The following SMC6 variants were observed in gnomAD, a reference collection of about 807,000 sequenced individuals.
SMC6 encodes structural maintenance of chromosomes protein 6.
In SMC6, 79 loss-of-function variants were observed where a neutral mutation model predicts 142.2. The observed-to-expected ratio is 0.56, with a 90% CI of 0.46 to 0.67. The LOEUF (loss-of-function observed/expected upper bound fraction) is 0.67. Among genes scored for constraint, SMC6 ranks in the 30% least tolerant of loss-of-function variants. The pLI is 0.00. For synonymous variants in SMC6, 411 were observed against 412.4 expected (o/e 1.00, Z 0.04); for missense variants, 1,072 against 1,284.0 (o/e 0.83, Z 2.52).
At chr2:17,733,172 C>A (rs183754420) in intron 5 of SMC6, among the ~76,000 whole-genome samples, 1 of 152,312 alleles carries the variant, frequency 6.6e-6, no homozygotes, top group African/African-American at 2.4e-5. Flanking sequence ...AAACTGTTCC[C>A]ATTTGTGGGA....
intron 5 of SMC6, among the ~76,000 whole-genome samples, chr2:17,734,719 T>C (rs1235702198): frequency 3.5e-5 from 5 of 142,852 alleles, no homozygotes; most frequent in Admixed American, 2.7e-4. Context: ...ATCCTACTGC[T>C]ATATAAATTT....
In SMC6 at chr2:17,703,357, G is replaced by T. The variant is rs981044908; in HGVS notation, c.2007-65C>A. 45 of 1,435,870 alleles carry T rather than the reference G, an allele frequency of 3.1e-5. No homozygotes were observed. In the African/African-American group the frequency reaches 5.9e-4, roughly 19 times the overall value. 88.9% of individuals were successfully genotyped at this position (1,435,870 alleles called of 1,614,324 possible). A position where few individuals can be genotyped will look rare whatever the true frequency, so the allele number is the denominator to read the frequency against. ...TTTTCTCAATATTACAAATACTTTA[G>T]ACCTTTACAAAGAAAGCCTTATTTA... On this transcript the variant is annotated intron_variant, in intron 18 of 27. Transcript: ENST00000448223.
intron 11 of SMC6, among the ~76,000 whole-genome samples, chr2:17,719,978 G>A (rs1310787745): frequency 2.0e-5 from 3 of 152,124 alleles, no homozygotes; most frequent in South Asian, 2.1e-4. Context: ...AAGCAAAGTA[G>A]AGAAAATGCT....
At chr2:17,747,798 C>G (rs921266272) in intron 2 of SMC6, among the ~76,000 whole-genome samples, 1 of 152,174 alleles carries the variant, frequency 6.6e-6, no homozygotes, top group Non-Finnish European at 1.5e-5. Context: ...GTCATCACGG[C>G]TGGCCAAAAC....
chr2:17,691,310 T>G (rs1242984666), intron 23 of SMC6, among the ~76,000 whole-genome samples: 1 of 107,504 alleles, frequency 9.3e-6, no homozygotes, highest in Non-Finnish European at 1.9e-5. Flanking sequence ...TGAATAGTAT[T>G]CTGGTGTGTG....
At position 17,716,825 on chromosome 2, in the gene SMC6, T is replaced by G; in HGVS notation, c.1262A>C (p.Gln421Pro). 1 of 1,613,742 alleles carries G rather than the reference T, an allele frequency of 6.2e-7. No homozygotes were observed. The highest frequency in any genetic ancestry group is 8.5e-7 in the Non-Finnish European group (1 of 1,179,832). ...SWLKERVKAF[Q>P]NQENSVNQEI... ...TTGATTGACTGAATTTTCTTGATTT[T>G]GAAAGGCCTTTACTCTCTCTTTTAA... The change falls in exon 14 of 28, where the codon CAA becomes CCA. Residue 421 changes from glutamine (Q) to proline (P), a missense_variant. Transcript: ENST00000448223.
intron 7 of SMC6, among the ~76,000 whole-genome samples, chr2:17,729,188 T>G (rs1473689492): frequency 2.0e-5 from 3 of 152,192 alleles, no homozygotes; most frequent in African/African-American, 7.2e-5. Flanking sequence ...ACTAAGTTAT[T>G]CCTTTATATT....
chr2:17,703,743 C>G (rs1386848820), intron 18 of SMC6, among the ~76,000 whole-genome samples: 1 of 151,972 alleles, frequency 6.6e-6, no homozygotes, highest in African/African-American at 2.4e-5. Flanking sequence ...ATACTCTTTT[C>G]TGTAGCTAAC....
intron 23 of SMC6, among the ~76,000 whole-genome samples, chr2:17,689,567 T>C (rs1667608468): frequency 1.3e-5 from 2 of 152,246 alleles, no homozygotes; most frequent in African/African-American, 4.8e-5. Flanking sequence ...TATGTGTGCA[T>C]GTATACATGC....
At chr2:17,739,861 CACACAGAGAATATGGTAA>C (rs1670348164) in intron 4 of SMC6, among the ~76,000 whole-genome samples, 1 of 140,906 alleles carries the variant, frequency 7.1e-6, no homozygotes, top group South Asian at 2.3e-4. Context: ...CACACACACA[CACACAGAGAATATGGTAA>C]ACACACACAC....
rs1347943625 is a variant in SMC6, at chr2:17,717,956, A to C, written c.1092+121T>G. 3.8e-6 allele frequency: 4 copies of C among 1,041,772 alleles called. No individual in the cohort carries two copies. In the Admixed American group the frequency reaches 8.3e-5, roughly 22 times the overall value. 64.5% of individuals were successfully genotyped at this position (1,041,772 alleles called of 1,614,324 possible). A position where few individuals can be genotyped will look rare whatever the true frequency, so the allele number is the denominator to read the frequency against. ...AGCCGTGATGGCGCCATAGCACTCC[A>C]GCCTGGGTGACAGAGCAAGACTATT... On this transcript the variant is annotated intron_variant, in intron 12 of 27. Coordinates refer to ENST00000448223, the MANE Select transcript of SMC6 (RefSeq NM_001142286.2).
At chr2:17,709,756 T>C (rs191455630) in intron 16 of SMC6, among the ~76,000 whole-genome samples, 4 of 152,082 alleles carry the variant, frequency 2.6e-5, no homozygotes, top group Non-Finnish European at 5.9e-5. Context: ...GGTGCTTTTT[T>C]ACACACACAA....
intron 11 of SMC6, among the ~76,000 whole-genome samples, chr2:17,719,381 GCTT>G (rs558194199): frequency 4.5e-4 from 68 of 152,196 alleles, no homozygotes; most frequent in African/African-American, 1.6e-3. Context: ...AATGTGAAAG[GCTT>G]TATGTAAGAC....
chr2:17,717,051 T>G, intron 13 of SMC6, 37 bp downstream of exon 13: 1 of 1,580,778 alleles, frequency 6.3e-7, no homozygotes, highest in Non-Finnish European at 8.6e-7. Flanking sequence ...TATTACAAAA[T>G]GGGATAGCCA....
intron 18 of SMC6, among the ~76,000 whole-genome samples, chr2:17,706,114 T>A (rs184935675): frequency 1.5e-3 from 230 of 152,270 alleles, no homozygotes; most frequent in Non-Finnish European, 2.3e-3. Flanking sequence ...TAGATACCCA[T>A]TAAGTATTTG....
Position 17,714,845 on chromosome 2 carries a change from A to G in SMC6, c.1730+16T>C. 1 of 1,608,084 alleles carries G rather than the reference A, an allele frequency of 6.2e-7. No individual in the cohort carries two copies. Among genetic ancestry groups the G allele is most frequent in the Non-Finnish European group, 8.5e-7 (1 of 1,178,254 alleles). ...TTAAGCAAAGCCAGAAACATATTCA[A>G]TTACTAATGCCTTACCTGTGTCTTA... On this transcript the variant is annotated intron_variant, in intron 16 of 27. Transcript: ENST00000448223.
intron 23 of SMC6, among the ~76,000 whole-genome samples, chr2:17,684,624 G>C (rs1049259173): frequency 1.3e-5 from 2 of 152,148 alleles, no homozygotes; most frequent in African/African-American, 4.8e-5. Flanking sequence ...AGGAATTAGA[G>C]ACCAGCTTGG....
At chr2:17,695,011 C>T in intron 23 of SMC6, 141 bp downstream of exon 23, 2 of 836,834 alleles carry the variant, frequency 2.4e-6, no homozygotes, top group Non-Finnish European at 3.8e-6. Flanking sequence ...GAATAATACA[C>T]ATATAAAGGA....
chr2:17,669,521 G>T (rs1424891209), intron 26 of SMC6, among the ~76,000 whole-genome samples: 1 of 152,138 alleles, frequency 6.6e-6, no homozygotes, highest in East Asian at 1.9e-4. Flanking sequence ...ACAGAATTAG[G>T]GGAGGCAGCT....
Sources: allele counts gnomAD v4.1 joint callset (sites outside exome capture counted in the v4.1 genomes callset), GRCh38; gene constraint gnomAD v4.1.1; transcripts MANE v1.5; gene names NCBI Gene and HGNC (gene_info 2026-07-23, HGNC 2026-07-21).